The following PPM1F variants were observed in gnomAD, a reference collection of about 807,000 sequenced individuals.
PPM1F encodes the protein protein phosphatase, Mg2+/Mn2+ dependent 1F.
A neutral mutation model predicts 35.5 loss-of-function variants in PPM1F; 17 were observed. The ratio of observed to expected loss-of-function variants is 0.48; its 90% CI spans 0.33 to 0.72. The LOEUF is 0.72. Among genes scored for constraint, PPM1F ranks in the 30% least tolerant of loss-of-function variants. PPM1F has a pLI of 0.02. For synonymous variants in PPM1F, 241 were observed against 255.5 expected (o/e 0.94, Z 0.54); for missense variants, 521 against 613.0 (o/e 0.85, Z 1.59).
chr22:21,941,370 GCAGA>G (rs1455738322), intron 2 of PPM1F: 1 of 152,636 alleles, frequency 6.6e-6, no homozygotes, highest in Admixed American at 6.5e-5. Flanking sequence ...ACAAACAGGA[GCAGA>G]CAGAGTCGGG....
chr22:21,950,056 C>A, intron 1 of PPM1F: 1 of 152,444 alleles, frequency 6.6e-6, no homozygotes, highest in Non-Finnish European at 1.5e-5. Context: ...AGGAACTTGC[C>A]CAAAGTCCCA....
At chr22:21,929,048 C>T (rs2070555804) in intron 6 of PPM1F, among the ~76,000 whole-genome samples, 1 of 152,208 alleles carries the variant, frequency 6.6e-6, no homozygotes. Context: ...CGCACTCCCC[C>T]CACGTACTCC....
At chr22:21,938,771 T>TCTAA (rs200649277) in intron 3 of PPM1F, 2,227 of 180,918 alleles carry the variant, frequency 0.012, 23 homozygotes, top group Admixed American at 0.018. Context: ...GTATTTCTGG[T>TCTAA]CTAACATCAA....
chr22:21,929,493 G>A (rs968082341), intron 6 of PPM1F, among the ~76,000 whole-genome samples: 3 of 152,254 alleles, frequency 2.0e-5, no homozygotes, highest in African/African-American at 2.4e-5. Context: ...CCATACTGCA[G>A]GACTCAGGCA....
At chr22:21,934,884 C>CAAAAAAAAAAAAAAAAAAAAA (rs59551724) in intron 3 of PPM1F, 1 of 64,312 alleles carries the variant, frequency 1.6e-5, no homozygotes. Flanking sequence ...GACTCTGTCT[C>CAAAAAAAAAAAAAAAAAAAAA]AAAAAAAAAA....
chr22:21,931,375 G>T (rs2070588203), intron 5 of PPM1F, 84 bp from the exon 6 acceptor site: 1 of 1,330,424 alleles, frequency 7.5e-7, no homozygotes. Context: ...GCTTCCGGGG[G>T]TGATGAATAC....
chr22:21,927,959 T>G (rs1166855888), intron 6 of PPM1F, among the ~76,000 whole-genome samples: 5 of 143,862 alleles, frequency 3.5e-5, no homozygotes, highest in Non-Finnish European at 7.6e-5. Flanking sequence ...TTTTTTTTTT[T>G]TTTTTTTTTT....
chr22:21,930,416 ATT>A (rs1201645753), intron 6 of PPM1F, among the ~76,000 whole-genome samples: 1 of 152,238 alleles, frequency 6.6e-6, no homozygotes, highest in Non-Finnish European at 1.5e-5. Flanking sequence ...GTAGAGATGC[ATT>A]GTTTTTAGCA....
At chr22:21,930,770 C>G (rs960337077) in intron 6 of PPM1F, among the ~76,000 whole-genome samples, 3 of 152,194 alleles carry the variant, frequency 2.0e-5, no homozygotes, top group Non-Finnish European at 4.4e-5. Context: ...AGTACAGCCC[C>G]AAGCCAGGTT....
intron 3 of PPM1F, 150 bp from the exon 4 acceptor site, chr22:21,934,376 G>A (rs1601784061): frequency 1.6e-6 from 1 of 625,360 alleles, no homozygotes; most frequent in Non-Finnish European, 2.7e-6. Context: ...CGCGCACATG[G>A]CAGCCTGTTA....
At chr22:21,938,146 T>C in intron 3 of PPM1F, 1 of 1,302,764 alleles carries the variant, frequency 7.7e-7, no homozygotes. Flanking sequence ...TTCCCAGGCC[T>C]GCAGGAGCCC....
Position 21,939,740 on chromosome 22 carries a change from C to G in PPM1F, c.207-60G>C, listed in dbSNP as rs540383530. ...CCAGCAGGAGACCACACCTAGCCCC[C>G]CTTCCCCAACTGTCAGCCCACATGC... On this transcript the variant is annotated intron_variant, in intron 2 of 7. Transcript: ENST00000263212. The surrounding 1 kb of genome is among the most constrained non-coding windows in gnomAD (Gnocchi z 5.1). The G allele has an allele frequency of 7.6e-5, 117 of 1,538,776 alleles. No homozygotes were observed. In the East Asian group the frequency reaches 1.6e-3, roughly 22 times the overall value.
chr22:21,930,625 G>A (rs1003049324), intron 6 of PPM1F, among the ~76,000 whole-genome samples: 1 of 152,214 alleles, frequency 6.6e-6, no homozygotes, highest in African/African-American at 2.4e-5. Flanking sequence ...GTCATTCCAT[G>A]ATATCTGAAT....
Position 21,923,353 on chromosome 22 carries a change from G to A in PPM1F, c.1104C>T (p.His368=). Residue 368 remains histidine (H), a synonymous_variant, in exon 8 of 8, where the codon CAC becomes CAT. Coordinates refer to ENST00000263212, the MANE Select transcript of PPM1F (RefSeq NM_014634.4). ...TCTGGACCAGGCCAACAACTTCCTG[G>A]TGGGGTACGACGTCAAAGAAGCCAT... is the stretch of plus-strand genomic sequence containing the variant. The part of the protein sequence containing the change: ...ACDGFFDVVP[H]QEVVGLVQSH... 1 of 1,613,814 alleles carries A rather than the reference G, an allele frequency of 6.2e-7. No homozygotes were observed. The highest frequency in any genetic ancestry group is 1.1e-5 in the South Asian group (1 of 91,080).
chr22:21,941,621 C>T (rs1004843190), intron 2 of PPM1F: 1 of 152,338 alleles, frequency 6.6e-6, no homozygotes, highest in African/African-American at 2.4e-5. Flanking sequence ...GGCTGAGTCC[C>T]ACAGGGCCAG....
chr22:21,944,425 C>A (rs1414996908), intron 2 of PPM1F: 1 of 152,186 alleles, frequency 6.6e-6, no homozygotes, highest in East Asian at 1.9e-4. Flanking sequence ...AGAGTTGATT[C>A]GCTGCAAGGG....
chr22:21,919,480 T>C lies in PPM1F; in HGVS notation c.*3612A>G, dbSNP rs556835005. 2.0e-5 allele frequency: 3 copies of C among 152,586 alleles called. No individual in the cohort carries two copies. Among genetic ancestry groups the C allele is most frequent in the Non-Finnish European group, 4.4e-5 (3 of 68,020 alleles). 9.5% of individuals were successfully genotyped at this position (152,586 alleles called of 1,614,324 possible). ...CATGGTGGGTCCTTGGGAGACTGCC[T>C]TTCTGGCATCTTGGGACTTGTCCCT... On this transcript the variant is annotated 3_prime_UTR_variant, in exon 8 of 8. Coordinates refer to ENST00000263212, the MANE Select transcript of PPM1F (RefSeq NM_014634.4).
chr22:21,950,463 G>A (rs1222574135), intron 1 of PPM1F: 1 of 151,744 alleles, frequency 6.6e-6, no homozygotes, highest in Non-Finnish European at 1.5e-5. Flanking sequence ...AACGAATGCA[G>A]GGTTTAACAA....
At chr22:21,934,314 C>CAGGCCCCTG in intron 3 of PPM1F, 88 bp from the exon 4 acceptor site, 4 of 1,123,584 alleles carry the variant, frequency 3.6e-6, no homozygotes, top group Non-Finnish European at 3.8e-6. Context: ...CCACAGGGGC[C>CAGGCCCCTG]TGCAAAGCCC....
Sources: gnomAD v4.1 joint callset for allele counts (sites outside exome capture counted in the v4.1 genomes callset) on GRCh38, gnomAD v4.1.1 for gene constraint, Gnocchi (gnomAD v3.1) non-coding constraint, MANE v1.5 for transcripts, NCBI Gene and HGNC (gene_info 2026-07-23, HGNC 2026-07-21) for gene names.